Variants in SLC8A1 observed in about 807,000 individuals in gnomAD.
The protein encoded by SLC8A1 is sodium/calcium exchanger 1.
A neutral mutation model predicts 68.3 loss-of-function variants in SLC8A1; 18 were observed. The ratio of observed to expected loss-of-function variants is 0.26; its 90% CI spans 0.18 to 0.39. SLC8A1 has a LOEUF of 0.39. SLC8A1 is among the 10% of genes least tolerant of loss of function. SLC8A1 has a pLI of 1.00. For synonymous variants in SLC8A1, 475 were observed against 415.5 expected (o/e 1.14, Z -1.74); for missense variants, 985 against 1,156.7 (o/e 0.85, Z 2.15).
intron 7 of SLC8A1, among the ~76,000 whole-genome samples, chr2:40,128,685 C>G (rs1238109377): frequency 2.0e-5 from 3 of 152,058 alleles, no homozygotes; most frequent in African/African-American, 4.8e-5. Context: ...AGTGTATGAA[C>G]CAAGATTACT....
chr2:40,224,344 T>G (rs1352978955), intron 2 of SLC8A1, among the ~76,000 whole-genome samples: 1 of 152,122 alleles, frequency 6.6e-6, no homozygotes, highest in Admixed American at 6.6e-5. Flanking sequence ...AAGATTTGCT[T>G]GGAATCTGCT....
intron 2 of SLC8A1, among the ~76,000 whole-genome samples, chr2:40,386,913 TC>T (rs1324156807): frequency 4.0e-5 from 6 of 151,326 alleles, no homozygotes; most frequent in African/African-American, 1.5e-4. Flanking sequence ...ATGTGGTGGT[TC>T]TACTATAGCA....
intron 1 of SLC8A1, among the ~76,000 whole-genome samples, chr2:40,503,471 C>G (rs1706173289): frequency 6.6e-6 from 1 of 151,942 alleles, no homozygotes; most frequent in Non-Finnish European, 1.5e-5. Context: ...AATCAGACAA[C>G]AGAAGGATAT....
At chr2:40,229,083 AATAACC>A (rs972443645) in intron 2 of SLC8A1, among the ~76,000 whole-genome samples, 22 of 152,164 alleles carry the variant, frequency 1.4e-4, no homozygotes, top group African/African-American at 5.3e-4. Context: ...TACATAATCT[AATAACC>A]ATAACCATAA....
chr2:40,352,118 G>A (rs959753779), intron 2 of SLC8A1, among the ~76,000 whole-genome samples: 1 of 152,106 alleles, frequency 6.6e-6, no homozygotes, highest in Non-Finnish European at 1.5e-5. Context: ...ATAGATTAAT[G>A]CTTCGTATTT....
intron 2 of SLC8A1, among the ~76,000 whole-genome samples, chr2:40,232,574 C>G (rs2059794293): frequency 6.7e-6 from 1 of 149,550 alleles, no homozygotes; most frequent in South Asian, 2.2e-4. Context: ...AATAATTTTC[C>G]ATTACTGTCC....
exon 8 of SLC8A1, chr2:40,113,013 C>G (rs2034753912): frequency 6.6e-6 from 1 of 152,292 alleles, no homozygotes; most frequent in South Asian, 2.1e-4. Flanking sequence ...AAAAATCTTT[C>G]CATATGGCTT....
intron 1 of SLC8A1, among the ~76,000 whole-genome samples, chr2:40,482,290 A>C (rs1255380927): frequency 6.6e-6 from 1 of 151,982 alleles, no homozygotes; most frequent in Non-Finnish European, 1.5e-5. Flanking sequence ...TTGCAGGGTC[A>C]TTTATAGCCT....
At chr2:40,287,582 A>ATATGTGTGTG (rs1553475923) in intron 2 of SLC8A1, among the ~76,000 whole-genome samples, 2 of 127,576 alleles carry the variant, frequency 1.6e-5, no homozygotes, top group Admixed American at 8.0e-5. Context: ...CAGAGGAATG[A>ATATGTGTGTG]TGTGTGTGTG....
At chr2:40,431,468 CA>C (rs1034868186) in intron 1 of SLC8A1, among the ~76,000 whole-genome samples, 33 of 152,138 alleles carry the variant, frequency 2.2e-4, no homozygotes, top group African/African-American at 7.7e-4. Context: ...GTAGGCATAG[CA>C]GTGGACTCAA....
At chr2:40,423,190 A>C (rs1695974162) in intron 2 of SLC8A1, among the ~76,000 whole-genome samples, 1 of 152,058 alleles carries the variant, frequency 6.6e-6, no homozygotes, top group South Asian at 2.1e-4. Flanking sequence ...CTGTCTATTG[A>C]AACTGCCCAT....
At chr2:40,469,490 T>G (rs1350511640) in intron 1 of SLC8A1, among the ~76,000 whole-genome samples, 1 of 152,174 alleles carries the variant, frequency 6.6e-6, no homozygotes, top group East Asian at 1.9e-4. Flanking sequence ...ATTAAACCTG[T>G]TTTCTTCATA....
intron 2 of SLC8A1, among the ~76,000 whole-genome samples, chr2:40,198,331 T>C (rs983626403): frequency 1.3e-5 from 2 of 151,912 alleles, no homozygotes; most frequent in African/African-American, 4.8e-5. Flanking sequence ...CATTCTTACA[T>C]GGAATGCTAC....
rs369553716 is a variant in SLC8A1 at position 40,240,031 on chromosome 2, G to A, written c.1809-62176C>T. Among the ~76,000 whole-genome samples the A allele has an allele frequency of 8.5e-5, 13 of 152,238 alleles. No individual in the cohort carries two copies. The South Asian group carries it at 1.7e-3, about 19-fold the overall frequency. ...TAATGAAGCCAACTGTGAAACCAGC[G>A]CTTACCTCCAAGTCAAGAGCCTGGG... On this transcript the variant is annotated intron_variant, in intron 2 of 7. Transcript: ENST00000406785.
intron 2 of SLC8A1, among the ~76,000 whole-genome samples, chr2:40,335,513 T>C (rs1319273789): frequency 1.3e-5 from 2 of 152,250 alleles, no homozygotes; most frequent in Admixed American, 6.5e-5. Flanking sequence ...TGGATGGGAA[T>C]GACTGACTTA....
intron 2 of SLC8A1, among the ~76,000 whole-genome samples, chr2:40,264,706 GGGGTGA>G (rs2065135618): frequency 6.6e-6 from 1 of 152,178 alleles, no homozygotes; most frequent in African/African-American, 2.4e-5. Flanking sequence ...GTTGTGGGGT[GGGGTGA>G]GGGAGAGGGA....
chr2:40,369,512 T>C (rs1471370754), intron 2 of SLC8A1, among the ~76,000 whole-genome samples: 2 of 152,088 alleles, frequency 1.3e-5, no homozygotes, highest in African/African-American at 2.4e-5. Flanking sequence ...AAGAGTTCTG[T>C]CTGTTTTTCA....
chr2:40,432,216 G>A (rs950461083), intron 1 of SLC8A1, among the ~76,000 whole-genome samples: 7 of 151,750 alleles, frequency 4.6e-5, no homozygotes, highest in African/African-American at 1.5e-4. Context: ...ATGTATTTTA[G>A]AAAGACTTAC....
intron 2 of SLC8A1, among the ~76,000 whole-genome samples, chr2:40,185,246 GC>G (rs1161365242): frequency 6.6e-6 from 1 of 152,146 alleles, no homozygotes; most frequent in Admixed American, 6.6e-5. Context: ...TCCACTATAT[GC>G]CAAAGAGAAT....
Sources: gnomAD v4.1 joint callset for allele counts (sites outside exome capture counted in the v4.1 genomes callset) on GRCh38, gnomAD v4.1.1 for gene constraint, MANE v1.5 for transcripts, NCBI Gene and HGNC (gene_info 2026-07-23, HGNC 2026-07-21) for gene names.